Variants in PDE11A observed in about 807,000 individuals in gnomAD.
PDE11A encodes the protein phosphodiesterase 11A, also known as dual 3',5'-cyclic-AMP and -GMP phosphodiesterase 11A.
In PDE11A, 100 loss-of-function variants were observed where a neutral mutation model predicts 100.5. The observed-to-expected ratio is 1.00, with a 90% confidence interval of 0.85 to 1.18. The LOEUF is 1.18. PDE11A is among the 50% of genes most tolerant of loss of function. The probability of loss-of-function intolerance (pLI) is 0.00; values close to 1 mark genes in which losing one functional copy is unlikely to be tolerated. For missense variants in PDE11A, 1,141 were observed against 1,152.6 expected (o/e 0.99, Z 0.15); for synonymous variants, 381 against 420.8 (o/e 0.91, Z 1.16).
intron 2 of PDE11A, among the ~76,000 whole-genome samples, chr2:177,910,234 T>C (rs573818372): frequency 1.7e-4 from 26 of 152,324 alleles, no homozygotes; most frequent in African/African-American, 6.0e-4. Context: ...GCACAATGTA[T>C]ACGCATATGA....
intron 2 of PDE11A, among the ~76,000 whole-genome samples, chr2:178,095,204 C>T (rs1365514009): frequency 6.6e-6 from 1 of 152,124 alleles, no homozygotes; most frequent in East Asian, 1.9e-4. Flanking sequence ...CTCCTATGAG[C>T]CTGTAAAATC....
chr2:177,723,697 C>T (rs1457404345), intron 12 of PDE11A, among the ~76,000 whole-genome samples: 1 of 152,108 alleles, frequency 6.6e-6, no homozygotes, highest in Non-Finnish European at 1.5e-5. Flanking sequence ...TATTGATACC[C>T]TACAGGATGC....
At chr2:177,805,018 G>T (rs892348782) in intron 9 of PDE11A, among the ~76,000 whole-genome samples, 1 of 151,376 alleles carries the variant, frequency 6.6e-6, no homozygotes, top group Admixed American at 6.6e-5. Flanking sequence ...CTAAAAGCTG[G>T]CTCACCACTA....
chr2:177,884,194 A>G (rs889448026), intron 4 of PDE11A, among the ~76,000 whole-genome samples: 4 of 152,194 alleles, frequency 2.6e-5, no homozygotes, highest in Admixed American at 6.5e-5. Flanking sequence ...CCCCCAAAAT[A>G]GTAATGATAA....
chr2:177,660,637 G>A (rs980477538), intron 19 of PDE11A, among the ~76,000 whole-genome samples: 2 of 152,096 alleles, frequency 1.3e-5, no homozygotes, highest in African/African-American at 2.4e-5. Flanking sequence ...TAAGAGTTTC[G>A]ATTTTAAATG....
At chr2:177,776,047 C>G (rs1363240556) in intron 9 of PDE11A, among the ~76,000 whole-genome samples, 2 of 152,110 alleles carry the variant, frequency 1.3e-5, no homozygotes, top group Admixed American at 6.5e-5. Context: ...AAAACAGTAT[C>G]TCCATTACCC....
intron 2 of PDE11A, chr2:178,104,205 T>A: frequency 8.5e-7 from 1 of 1,174,514 alleles, no homozygotes; most frequent in Non-Finnish European, 1.3e-6. Context: ...GGTCCATTTT[T>A]AACGCTGCAA....
chr2:177,996,468 C>CATAT (rs36051210), intron 2 of PDE11A, among the ~76,000 whole-genome samples: 171 of 145,794 alleles, frequency 1.2e-3, no homozygotes, highest in African/African-American at 3.7e-3. Flanking sequence ...TACATATATA[C>CATAT]ATATATATAT....
chr2:177,913,491 A>G (rs1241365228), intron 2 of PDE11A, among the ~76,000 whole-genome samples: 2 of 152,060 alleles, frequency 1.3e-5, no homozygotes, highest in East Asian at 3.8e-4. Context: ...AGAGTAAAGT[A>G]ATGACAGTTC....
At chr2:177,841,979 G>T (rs528246738) in intron 5 of PDE11A, among the ~76,000 whole-genome samples, 75 of 152,274 alleles carry the variant, frequency 4.9e-4, no homozygotes, top group South Asian at 1.0e-3. Flanking sequence ...GTGCTGCAAT[G>T]AAAGCAAAAT....
At chr2:177,918,447 G>C (rs556967404) in intron 2 of PDE11A, among the ~76,000 whole-genome samples, 11 of 152,218 alleles carry the variant, frequency 7.2e-5, no homozygotes, top group African/African-American at 2.2e-4. Context: ...TAAGCCTAAA[G>C]ACAGCAGAAG....
At chr2:177,805,881 G>A (rs1558947608) in intron 9 of PDE11A, among the ~76,000 whole-genome samples, 1 of 152,170 alleles carries the variant, frequency 6.6e-6, no homozygotes, top group Non-Finnish European at 1.5e-5. Flanking sequence ...TTTTAAAGCT[G>A]TCAAAGAGTG....
intron 6 of PDE11A, among the ~76,000 whole-genome samples, chr2:177,833,130 C>T (rs1866215): frequency 0.074 from 11,274 of 152,040 alleles, 778 homozygotes; most frequent in African/African-American, 0.18. Flanking sequence ...TGCTGCAGAC[C>T]CACATGGATT....
intron 2 of PDE11A, among the ~76,000 whole-genome samples, chr2:178,009,517 G>A (rs1424434005): frequency 5.9e-5 from 9 of 151,806 alleles, no homozygotes; most frequent in Admixed American, 4.0e-4. Context: ...ACTTTAAAGA[G>A]CATGAGGATT....
At chr2:177,879,732 G>A (rs1443708780) in intron 4 of PDE11A, among the ~76,000 whole-genome samples, 1 of 152,130 alleles carries the variant, frequency 6.6e-6, no homozygotes, top group Non-Finnish European at 1.5e-5. Context: ...AATGGAATAG[G>A]AAATAATAGC....
At chr2:178,058,019 G>A (rs1407325263) in intron 1 of PDE11A, among the ~76,000 whole-genome samples, 1 of 151,946 alleles carries the variant, frequency 6.6e-6, no homozygotes, top group Admixed American at 6.6e-5. Flanking sequence ...CACCGTGCCC[G>A]GCCAATTTTT....
chr2:177,775,807 C>T (rs2082369797), intron 9 of PDE11A, among the ~76,000 whole-genome samples: 1 of 152,148 alleles, frequency 6.6e-6, no homozygotes, highest in Non-Finnish European at 1.5e-5. Flanking sequence ...CTGTTAACTC[C>T]ATTATTCTCT....
intron 10 of PDE11A, among the ~76,000 whole-genome samples, chr2:177,754,264 C>T (rs747926486): frequency 1.6e-4 from 24 of 152,212 alleles, no homozygotes; most frequent in Non-Finnish European, 2.6e-4. Context: ...CTATAACATA[C>T]CCTGTCAGAA....
chr2:178,036,461 G>A (rs1018043397), intron 1 of PDE11A, among the ~76,000 whole-genome samples: 4 of 152,156 alleles, frequency 2.6e-5, no homozygotes, highest in Non-Finnish European at 4.4e-5. Context: ...GTAACGTATA[G>A]AGCCAATGCT....
Sources: allele counts gnomAD v4.1 joint callset (sites outside exome capture counted in the v4.1 genomes callset), GRCh38; gene constraint gnomAD v4.1.1; transcripts MANE v1.5; gene names NCBI Gene and HGNC (gene_info 2026-07-23, HGNC 2026-07-21).